Variants in LRBA observed in about 807,000 individuals in gnomAD.
LRBA encodes the protein LPS responsive beige-like anchor protein.
In LRBA, 176 loss-of-function variants were observed where a neutral mutation model predicts 330.0. That is an observed-to-expected ratio of 0.53 (90% CI 0.47 to 0.60). LRBA has a LOEUF of 0.60. Ranked by LOEUF, LRBA falls within the 20% of genes least tolerant of loss-of-function variation. The pLI, the probability that LRBA is intolerant of heterozygous loss-of-function variation, is 0.00. For missense variants in LRBA, 3,259 were observed against 3,444.8 expected (o/e 0.95, Z 1.35); for synonymous variants, 1,230 against 1,193.0 (o/e 1.03, Z -0.64).
chr4:150,709,791 CTTAG>C (rs769414382), intron 36 of LRBA, among the ~76,000 whole-genome samples: 83 of 152,046 alleles, frequency 5.5e-4, no homozygotes, highest in Non-Finnish European at 1.0e-3. Context: ...ACAGAAAGAT[CTTAG>C]TTAGATTTAC....
intron 44 of LRBA, among the ~76,000 whole-genome samples, chr4:150,452,592 A>C (rs1198292929): frequency 1.3e-5 from 2 of 151,034 alleles, no homozygotes; most frequent in Non-Finnish European, 2.9e-5. Context: ...ACTGCACTCC[A>C]GCCTGTGCAA....
At chr4:150,984,298 A>G (rs1741180077) in intron 2 of LRBA, among the ~76,000 whole-genome samples, 1 of 151,004 alleles carries the variant, frequency 6.6e-6, no homozygotes, top group African/African-American at 2.5e-5. Flanking sequence ...GGATCACCTG[A>G]GGTCAGGAGT....
chr4:150,899,011 T>C (rs575059153), intron 14 of LRBA, among the ~76,000 whole-genome samples: 226 of 152,324 alleles, frequency 1.5e-3, no homozygotes, highest in Non-Finnish European at 2.4e-3. Context: ...GCAATCAGAA[T>C]GTATGTTATT....
intron 47 of LRBA, among the ~76,000 whole-genome samples, chr4:150,373,164 T>TGAGAGAGAGA (rs1561082920): frequency 5.9e-5 from 8 of 135,212 alleles, no homozygotes; most frequent in African/African-American, 2.1e-4. Flanking sequence ...TGTGTGTGTG[T>TGAGAGAGAGA]GTGTGTGTGA....
rs555621622 is a variant in LRBA, at chr4:150,572,948, G to C, written c.6330+15100C>G. 1.2e-4 allele frequency among the ~76,000 whole-genome samples: 18 copies of C among 152,234 alleles called. No individual in the cohort carries two copies. In the South Asian group the frequency reaches 3.3e-3, roughly 28 times the overall value. ...TCCTTTGATTGTCAGCTCCTGTCTA[G>C]GGTCAGCACTTACATGAAAGGGGCT... On this transcript the variant is annotated intron_variant, in intron 40 of 56. Transcript: ENST00000651943.
At chr4:150,503,736 G>A (rs1760632943) in intron 40 of LRBA, among the ~76,000 whole-genome samples, 1 of 152,204 alleles carries the variant, frequency 6.6e-6, no homozygotes, top group South Asian at 2.1e-4. Context: ...AACAAAGCTG[G>A]ACGGAGAATG....
intron 47 of LRBA, among the ~76,000 whole-genome samples, chr4:150,376,865 G>C (rs1581151319): frequency 6.6e-6 from 1 of 152,160 alleles, no homozygotes; most frequent in East Asian, 1.9e-4. Context: ...GGAAAAAGTA[G>C]ATGAGACCTT....
intron 36 of LRBA, among the ~76,000 whole-genome samples, chr4:150,713,124 T>A (rs1561542317): frequency 6.6e-6 from 1 of 152,006 alleles, no homozygotes; most frequent in Non-Finnish European, 1.5e-5. Flanking sequence ...TTTGAAGAGA[T>A]GGGGTCTTGC....
At chr4:150,961,120 A>G (rs959266906) in intron 2 of LRBA, among the ~76,000 whole-genome samples, 1 of 148,924 alleles carries the variant, frequency 6.7e-6, no homozygotes, top group Admixed American at 6.6e-5. Context: ...CTCACCCCAT[A>G]TTGGCTGTGG....
intron 36 of LRBA, among the ~76,000 whole-genome samples, chr4:150,719,166 C>G (rs1183557714): frequency 6.6e-6 from 1 of 152,052 alleles, no homozygotes; most frequent in East Asian, 1.9e-4. Context: ...TAATCTCTTT[C>G]ACAACAGAGT....
At chr4:150,920,230 G>A (rs1375139942) in intron 5 of LRBA, among the ~76,000 whole-genome samples, 1 of 152,120 alleles carries the variant, frequency 6.6e-6, no homozygotes, top group Non-Finnish European at 1.5e-5. Flanking sequence ...CTCAGGAAAA[G>A]AATAGACTGA....
At chr4:150,571,162 T>C (rs539119751) in intron 40 of LRBA, among the ~76,000 whole-genome samples, 5 of 152,070 alleles carry the variant, frequency 3.3e-5, no homozygotes, top group African/African-American at 4.8e-5. Flanking sequence ...GAAAATTTAA[T>C]TTGTACCCCT....
intron 53 of LRBA, among the ~76,000 whole-genome samples, chr4:150,300,894 T>C (rs1580945509): frequency 2.6e-5 from 4 of 152,070 alleles, no homozygotes; most frequent in East Asian, 3.8e-4. Context: ...ACATTGGTAA[T>C]GACGGTGTAT....
At chr4:150,948,915 C>G (rs1653984731) in intron 2 of LRBA, among the ~76,000 whole-genome samples, 1 of 151,544 alleles carries the variant, frequency 6.6e-6, no homozygotes, top group Non-Finnish European at 1.5e-5. Flanking sequence ...ATCAAAACAA[C>G]TAAAAAAATA....
At chr4:150,893,291 G>A in intron 16 of LRBA, 142 bp from the exon 17 acceptor site, 1 of 567,648 alleles carries the variant, frequency 1.8e-6, no homozygotes, top group Non-Finnish European at 3.2e-6. Context: ...AACAAATTAT[G>A]TTCTTTAAAT....
chr4:150,431,677 G>A (rs888227193), intron 46 of LRBA, among the ~76,000 whole-genome samples: 2 of 151,740 alleles, frequency 1.3e-5, no homozygotes, highest in Admixed American at 6.6e-5. Context: ...TTAAAAATAC[G>A]ACTATGAAAT....
At chr4:150,979,161 G>C (rs573901982) in intron 2 of LRBA, among the ~76,000 whole-genome samples, 1 of 152,062 alleles carries the variant, frequency 6.6e-6, no homozygotes, top group Middle Eastern at 3.2e-3. Flanking sequence ...AACAAATAAC[G>C]TACAATGGAG....
chr4:150,964,731 TCA>T (rs1376210671), intron 2 of LRBA, among the ~76,000 whole-genome samples: 1 of 151,936 alleles, frequency 6.6e-6, no homozygotes, highest in African/African-American at 2.4e-5. Flanking sequence ...AGACCTTTGT[TCA>T]CATGTTTATC....
At chr4:150,706,697 T>C (rs1321690494) in intron 36 of LRBA, among the ~76,000 whole-genome samples, 1 of 151,338 alleles carries the variant, frequency 6.6e-6, no homozygotes, top group Non-Finnish European at 1.5e-5. Context: ...TTCTAACATA[T>C]ATCACAGAGT....
Sources: allele counts gnomAD v4.1 joint callset (sites outside exome capture counted in the v4.1 genomes callset), GRCh38; gene constraint gnomAD v4.1.1; transcripts MANE v1.5; gene names NCBI Gene and HGNC (gene_info 2026-07-23, HGNC 2026-07-21).